The following HOMER1 variants were observed in gnomAD, a reference collection of about 807,000 sequenced individuals.
The protein encoded by HOMER1 is homer protein homolog 1.
A neutral mutation model predicts 48.9 loss-of-function variants in HOMER1; 3 were observed. The ratio of observed to expected loss-of-function variants is 0.06; its 90% confidence interval spans 0.03 to 0.16. The LOEUF (loss-of-function observed/expected upper bound fraction) is 0.16, where lower values mean the gene tolerates loss of function less well. Among genes scored for constraint, HOMER1 ranks in the 10% least tolerant of loss-of-function variants. HOMER1 has a pLI of 1.00. For missense variants in HOMER1, 247 were observed against 411.4 expected (o/e 0.60, Z 3.46); for synonymous variants, 134 against 146.4 (o/e 0.92, Z 0.61).
rs550842576 is a variant in HOMER1 at position 79,429,036 on chromosome 5, C to A, written c.527+9974G>T. Among the ~76,000 whole-genome samples the A allele has an allele frequency of 3.3e-5, 5 of 152,262 alleles. 1 individual carries two copies. In the South Asian group the frequency reaches 1.0e-3, roughly 32 times the overall value. On this transcript the variant is annotated intron_variant, in intron 5 of 8. Transcript: ENST00000334082. ...AAATAATACCGAAGGGATCATACTT[C>A]CCAATTTCAAACTTAACTACAAAGA...
chr5:79,379,349 ATAT>A (rs1471725981), intron 8 of HOMER1, among the ~76,000 whole-genome samples: 2 of 111,224 alleles, frequency 1.8e-5, no homozygotes, highest in Non-Finnish European at 3.4e-5. Flanking sequence ...TATATTTTAT[ATAT>A]TATATAAATA....
chr5:79,510,381 T>C (rs1752907835), intron 1 of HOMER1: 2 of 565,276 alleles, frequency 3.5e-6, no homozygotes, highest in Admixed American at 4.5e-5. Context: ...ATTAAATTCA[T>C]CCTGTCTCTT....
At chr5:79,433,291 G>A (rs1224710910) in intron 5 of HOMER1, among the ~76,000 whole-genome samples, 1 of 152,160 alleles carries the variant, frequency 6.6e-6, no homozygotes, top group African/African-American at 2.4e-5. Context: ...AGGGCTGGGC[G>A]TGGTGGCTCA....
In HOMER1 at chr5:79,374,297, T is replaced by C. The variant is rs1271396197; in HGVS notation, c.*1712A>G. Reference sequence around the variant, plus strand: ...ATAGATGGAGGTAACGTACATGATGTTACAGCACATATAATACATGATTGT... The same window carrying C: ...ATAGATGGAGGTAACGTACATGATGCTACAGCACATATAATACATGATTGT... On this transcript the variant is annotated 3_prime_UTR_variant, in exon 9 of 9. Coordinates refer to ENST00000334082, the MANE Select transcript of HOMER1 (RefSeq NM_004272.5). 6.6e-6 allele frequency: 1 copy of C among 152,438 alleles called. No individual in the cohort carries two copies. Among genetic ancestry groups the C allele is most frequent in the Non-Finnish European group, 1.5e-5 (1 of 67,866 alleles). 9.4% of individuals were successfully genotyped at this position (152,438 alleles called of 1,614,324 possible).
intron 5 of HOMER1, among the ~76,000 whole-genome samples, chr5:79,412,522 A>C (rs932446658): frequency 1.3e-5 from 2 of 152,208 alleles, no homozygotes; most frequent in Non-Finnish European, 2.9e-5. Flanking sequence ...CAGACTGGTT[A>C]ATGTGTAGTG....
At chr5:79,493,173 C>T (rs1752334787) in intron 1 of HOMER1, among the ~76,000 whole-genome samples, 1 of 152,146 alleles carries the variant, frequency 6.6e-6, no homozygotes, top group South Asian at 2.1e-4. Flanking sequence ...CTGTCTCAGC[C>T]TCCCAAAGTG....
chr5:79,466,943 C>T (rs1347517695), intron 1 of HOMER1, among the ~76,000 whole-genome samples: 4 of 152,058 alleles, frequency 2.6e-5, no homozygotes, highest in Non-Finnish European at 4.4e-5. Context: ...AGGTGTGCAC[C>T]ACCACACTTG....
intron 1 of HOMER1, among the ~76,000 whole-genome samples, chr5:79,506,217 C>G (rs1459607183): frequency 6.6e-6 from 1 of 151,206 alleles, no homozygotes; most frequent in Non-Finnish European, 1.5e-5. Context: ...CAGGTTCAAG[C>G]GATAAAAACT....
intron 2 of HOMER1, among the ~76,000 whole-genome samples, chr5:79,453,057 G>C (rs990961085): frequency 6.6e-6 from 1 of 152,146 alleles, no homozygotes; most frequent in Non-Finnish European, 1.5e-5. Flanking sequence ...AACAATAAGA[G>C]GGGCAATATA....
chr5:79,498,737 T>TCTTACAAGTGAGGAAATCAAGTAA (rs1752491392), intron 1 of HOMER1, among the ~76,000 whole-genome samples: 2 of 152,110 alleles, frequency 1.3e-5, no homozygotes, highest in African/African-American at 2.4e-5. Flanking sequence ...TCCAACCTTC[T>TCTTACAAGTGAGGAAATCAAGTAA]CTTACAAGTG....
At chr5:79,402,227 G>A (rs566489656) in intron 5 of HOMER1, among the ~76,000 whole-genome samples, 172 bp from the exon 6 acceptor site, 36 of 150,622 alleles carry the variant, frequency 2.4e-4, no homozygotes, top group Admixed American at 2.7e-4. Context: ...GTGTAGTGGC[G>A]CAATCTTGGC....
intron 8 of HOMER1, among the ~76,000 whole-genome samples, chr5:79,385,697 G>C (rs1000628524): frequency 6.6e-6 from 1 of 151,852 alleles, no homozygotes; most frequent in African/African-American, 2.4e-5. Context: ...ATAAAAATTA[G>C]CTAGGCATGT....
chr5:79,439,491 T>C lies in HOMER1; in HGVS notation c.388-342A>G, dbSNP rs534781452. Among the ~76,000 whole-genome samples the C allele has an allele frequency of 9.9e-5, 15 of 152,220 alleles. No homozygotes were observed. The South Asian group carries it at 1.7e-3, about 17-fold the overall frequency. ...GTCAGAATAAAAGATATTCAAAGAA[T>C]TACTATACTTCAGAAGAAAAGATGC... On this transcript the variant is annotated intron_variant, in intron 4 of 8. Coordinates refer to ENST00000334082, the MANE Select transcript of HOMER1 (RefSeq NM_004272.5).
At chr5:79,501,888 A>C (rs1003696438) in intron 1 of HOMER1, among the ~76,000 whole-genome samples, 74 of 152,316 alleles carry the variant, frequency 4.9e-4, no homozygotes, top group African/African-American at 1.6e-3. Flanking sequence ...ACATTTAAAC[A>C]AGTTTTGCTA....
chr5:79,499,527 G>A (rs373993583), intron 1 of HOMER1, among the ~76,000 whole-genome samples: 2 of 107,368 alleles, frequency 1.9e-5, no homozygotes, highest in Non-Finnish European at 4.0e-5. Context: ...TGAAAAAACA[G>A]GTTAACTGCA....
chr5:79,468,036 A>G (rs926330008), intron 1 of HOMER1, among the ~76,000 whole-genome samples: 2 of 152,136 alleles, frequency 1.3e-5, no homozygotes, highest in Non-Finnish European at 2.9e-5. Flanking sequence ...TCGGCCTCCT[A>G]AAGTGCTGCG....
intron 1 of HOMER1, among the ~76,000 whole-genome samples, chr5:79,496,541 A>C (rs917381486): frequency 6.6e-6 from 1 of 151,938 alleles, no homozygotes; most frequent in Non-Finnish European, 1.5e-5. Flanking sequence ...TAGACAATAG[A>C]CCTCCCCAAA....
At chr5:79,494,926 A>G (rs1435218959) in intron 1 of HOMER1, among the ~76,000 whole-genome samples, 1 of 152,222 alleles carries the variant, frequency 6.6e-6, no homozygotes, top group Admixed American at 6.5e-5. Context: ...CTAAAATGCA[A>G]GCATGGTAAT....
chr5:79,411,805 C>T (rs114141099), intron 5 of HOMER1, among the ~76,000 whole-genome samples: 3 of 152,108 alleles, frequency 2.0e-5, no homozygotes, highest in Non-Finnish European at 2.9e-5. Flanking sequence ...TATTCCGATA[C>T]TCTTTCAAAA....
Sources: gnomAD v4.1 joint callset for allele counts (sites outside exome capture counted in the v4.1 genomes callset) on GRCh38, gnomAD v4.1.1 for gene constraint, MANE v1.5 for transcripts, NCBI Gene and HGNC (gene_info 2026-07-23, HGNC 2026-07-21) for gene names.